Variants in PLPP4 observed in about 807,000 individuals in gnomAD.
PLPP4 encodes phospholipid phosphatase 4.
PLPP4 carries 20 observed loss-of-function variants against 32.2 expected under a neutral mutation model. That is an observed-to-expected ratio of 0.62 (90% CI 0.44 to 0.90). The LOEUF (loss-of-function observed/expected upper bound fraction) is 0.90. Among genes scored for constraint, PLPP4 ranks in the 40% least tolerant of loss-of-function variants. PLPP4 has a pLI of 0.00. For missense variants in PLPP4, 257 were observed against 353.1 expected (o/e 0.73, Z 2.18); for synonymous variants, 127 against 133.0 (o/e 0.95, Z 0.31).
intron 5 of PLPP4, among the ~76,000 whole-genome samples, chr10:120,548,773 T>C (rs1814628040): frequency 6.6e-6 from 1 of 152,116 alleles, no homozygotes; most frequent in Admixed American, 6.5e-5. Flanking sequence ...CCACTCTGAC[T>C]GTCATGAAAT....
At chr10:120,581,229 T>G in intron 6 of PLPP4, 3 of 985,402 alleles carry the variant, frequency 3.0e-6, no homozygotes, top group Non-Finnish European at 3.6e-6. Flanking sequence ...GCATCCTTCC[T>G]TTGTTTTACT....
intron 1 of PLPP4, among the ~76,000 whole-genome samples, chr10:120,479,200 T>C (rs1165766828): frequency 6.6e-6 from 1 of 152,068 alleles, no homozygotes; most frequent in Non-Finnish European, 1.5e-5. Flanking sequence ...CACTCCAGCC[T>C]GGGCCACAGA....
At chr10:120,480,281 C>G (rs1475373) in intron 1 of PLPP4, among the ~76,000 whole-genome samples, 112,620 of 152,100 alleles carry the variant, frequency 0.74, 42,755 homozygotes, top group East Asian at 0.92. Context: ...CCAGTAGTTA[C>G]AGGTTGAATA....
intron 5 of PLPP4, among the ~76,000 whole-genome samples, chr10:120,561,615 T>C (rs538883438): frequency 3.9e-5 from 6 of 152,326 alleles, no homozygotes; most frequent in African/African-American, 1.2e-4. Flanking sequence ...GGGCTGTCTT[T>C]GGGTACAAAT....
chr10:120,577,916 G>A (rs1849297622), intron 6 of PLPP4, among the ~76,000 whole-genome samples: 1 of 152,170 alleles, frequency 6.6e-6, no homozygotes, highest in Admixed American at 6.5e-5. Flanking sequence ...CAATCTCTCA[G>A]GGGACATTTA....
At chr10:120,554,827 G>C (rs1848077868) in intron 5 of PLPP4, among the ~76,000 whole-genome samples, 1 of 152,044 alleles carries the variant, frequency 6.6e-6, no homozygotes, top group Admixed American at 6.6e-5. Context: ...AACAGCAAGG[G>C]GGAAATCTGC....
intron 6 of PLPP4, among the ~76,000 whole-genome samples, chr10:120,587,833 G>A (rs575358207): frequency 6.9e-4 from 105 of 152,214 alleles, no homozygotes; most frequent in Non-Finnish European, 1.2e-3. Context: ...TATATAGTGC[G>A]TTGCTTACTG....
intron 1 of PLPP4, among the ~76,000 whole-genome samples, chr10:120,502,027 A>G (rs1350602199): frequency 1.3e-5 from 2 of 152,164 alleles, no homozygotes; most frequent in Non-Finnish European, 2.9e-5. Flanking sequence ...GTGCTCCTCC[A>G]TGCTGCTCTA....
chr10:120,533,558 G>A (rs1846846971), intron 5 of PLPP4, among the ~76,000 whole-genome samples: 1 of 151,840 alleles, frequency 6.6e-6, no homozygotes, highest in Admixed American at 6.6e-5. Context: ...TTTGTTATCT[G>A]TGCTTTTGTC....
At chr10:120,568,807 CA>C in intron 5 of PLPP4, among the ~76,000 whole-genome samples, 1 of 152,202 alleles carries the variant, frequency 6.6e-6, no homozygotes, top group Non-Finnish European at 1.5e-5. Context: ...CTCAGATATG[CA>C]AAACCACTTC....
At chr10:120,575,405 T>A in intron 6 of PLPP4, 104 bp downstream of exon 6, 1 of 1,255,564 alleles carries the variant, frequency 8.0e-7, no homozygotes, top group Non-Finnish European at 1.1e-6. Flanking sequence ...GTGCCCATTG[T>A]CCAAAACCAG....
chr10:120,479,477 G>A (rs949188993), intron 1 of PLPP4, among the ~76,000 whole-genome samples: 1 of 152,010 alleles, frequency 6.6e-6, no homozygotes, highest in African/African-American at 2.4e-5. Context: ...TTTTCTTATG[G>A]CATTTATTGC....
intron 5 of PLPP4, among the ~76,000 whole-genome samples, chr10:120,547,413 A>G (rs1481657674): frequency 6.6e-6 from 1 of 152,192 alleles, no homozygotes; most frequent in East Asian, 1.9e-4. Context: ...ACATTTTTGA[A>G]GTGGACGTTG....
intron 6 of PLPP4, among the ~76,000 whole-genome samples, chr10:120,576,003 C>T (rs1849206268): frequency 6.6e-6 from 1 of 152,138 alleles, no homozygotes; most frequent in South Asian, 2.1e-4. Context: ...GGTGTGGCCT[C>T]CAGGAAGCAT....
At chr10:120,494,698 G>A (rs1253633535) in intron 1 of PLPP4, among the ~76,000 whole-genome samples, 1 of 152,206 alleles carries the variant, frequency 6.6e-6, no homozygotes, top group Non-Finnish European at 1.5e-5. Context: ...ATCAGCTGCT[G>A]CAAAGGAAGC....
At chr10:120,509,567 G>A (rs964128912) in intron 2 of PLPP4, among the ~76,000 whole-genome samples, 2 of 152,056 alleles carry the variant, frequency 1.3e-5, no homozygotes, top group Non-Finnish European at 2.9e-5. Flanking sequence ...GTAAACTAAA[G>A]CTTTTGGGCT....
intron 1 of PLPP4, among the ~76,000 whole-genome samples, chr10:120,481,668 G>C (rs1050252540): frequency 6.6e-6 from 1 of 152,134 alleles, no homozygotes; most frequent in Admixed American, 6.5e-5. Flanking sequence ...AGGAAACAAA[G>C]ACCATGATCA....
chr10:120,536,277 A>G (rs888436557), intron 5 of PLPP4, among the ~76,000 whole-genome samples: 1 of 152,090 alleles, frequency 6.6e-6, no homozygotes, highest in East Asian at 1.9e-4. Context: ...GAGGCATAAC[A>G]CTTCCTGATT....
At chr10:120,497,876 TA>T (rs1433775418) in intron 1 of PLPP4, among the ~76,000 whole-genome samples, 1 of 151,926 alleles carries the variant, frequency 6.6e-6, no homozygotes, top group Non-Finnish European at 1.5e-5. Flanking sequence ...CCGTCTCTAC[TA>T]AAAATACAAA....
Sources: gnomAD v4.1 joint callset for allele counts (sites outside exome capture counted in the v4.1 genomes callset) on GRCh38, gnomAD v4.1.1 for gene constraint, MANE v1.5 for transcripts, NCBI Gene and HGNC (gene_info 2026-07-23, HGNC 2026-07-21) for gene names.